TDRD9: variants seen among roughly 807,000 people sequenced by gnomAD.
TDRD9 encodes the protein ATP-dependent RNA helicase TDRD9.
In TDRD9, 124 loss-of-function variants were observed where a neutral mutation model predicts 172.6. That is an observed-to-expected ratio of 0.72 (90% CI 0.62 to 0.83). The LOEUF is 0.83. Ranked by LOEUF, TDRD9 falls within the 40% of genes least tolerant of loss-of-function variation. The pLI is 0.00. For synonymous variants in TDRD9, 619 were observed against 617.1 expected (o/e 1.00, Z -0.05); for missense variants, 1,479 against 1,714.1 (o/e 0.86, Z 2.42).
chr14:104,031,637 G>T (rs2035287316), intron 29 of TDRD9, among the ~76,000 whole-genome samples: 1 of 152,028 alleles, frequency 6.6e-6, no homozygotes. Context: ...TGGCCAGGGT[G>T]TCTCCTTGTT....
chr14:103,942,987 A>G (rs554052519), intron 1 of TDRD9, among the ~76,000 whole-genome samples: 7 of 152,158 alleles, frequency 4.6e-5, no homozygotes, highest in Non-Finnish European at 1.0e-4. Flanking sequence ...GCATAAGAAC[A>G]TACAAAATTC....
At chr14:103,952,388 C>A (rs919714698) in intron 1 of TDRD9, among the ~76,000 whole-genome samples, 23 of 149,280 alleles carry the variant, frequency 1.5e-4, no homozygotes, top group African/African-American at 5.2e-4. Context: ...ACTACAGGCG[C>A]CCGCCACCAC....
At chr14:104,011,384 T>A (rs1428904894) in intron 20 of TDRD9, among the ~76,000 whole-genome samples, 1 of 152,230 alleles carries the variant, frequency 6.6e-6, no homozygotes, top group African/African-American at 2.4e-5. Flanking sequence ...TACTATGAGA[T>A]GTTGTTATTG....
Position 103,980,363 on chromosome 14 carries a change from G to C in TDRD9, c.1011+4810G>C, listed in dbSNP as rs761695561. ...TGATAGGTAAGGTCATGTGGGTCACGTGTCGACTGGACAGGGGGCCCTTCC... is the reference window on the plus strand; with the variant it reads ...TGATAGGTAAGGTCATGTGGGTCACCTGTCGACTGGACAGGGGGCCCTTCC... On this transcript the variant is annotated intron_variant, in intron 7 of 35. Transcript: ENST00000409874. The surrounding 1 kb of genome is among the most constrained non-coding windows in gnomAD (Gnocchi z 4.5). Among the ~76,000 whole-genome samples, 1 of 152,152 alleles carries C rather than the reference G, an allele frequency of 6.6e-6. No individual in the cohort carries two copies. The highest frequency in any genetic ancestry group is 2.4e-5 in the African/African-American group (1 of 41,440).
At chr14:103,951,964 T>C (rs1197115840) in intron 1 of TDRD9, among the ~76,000 whole-genome samples, 1 of 150,638 alleles carries the variant, frequency 6.6e-6, no homozygotes, top group African/African-American at 2.4e-5. Context: ...GAGACGGGGT[T>C]TCACCTTATT....
chr14:103,981,153 T>A (rs2033459733), intron 7 of TDRD9, among the ~76,000 whole-genome samples: 1 of 152,206 alleles, frequency 6.6e-6, no homozygotes, highest in Non-Finnish European at 1.5e-5. Context: ...GTGATCCTCT[T>A]GCTTTGGTCT....
At chr14:104,048,829 C>G (rs956679091) in intron 34 of TDRD9, among the ~76,000 whole-genome samples, 3 of 152,172 alleles carry the variant, frequency 2.0e-5, no homozygotes, top group African/African-American at 7.2e-5. Context: ...TCCTTCATTG[C>G]TGTTTTTACT....
intron 14 of TDRD9, among the ~76,000 whole-genome samples, chr14:104,004,624 C>T (rs547298514): frequency 1.1e-4 from 17 of 152,198 alleles, no homozygotes; most frequent in South Asian, 4.1e-4. Flanking sequence ...GTGATCCGCC[C>T]GCCTTGGCCT....
rs2033268190 is a variant in TDRD9 at position 103,976,890 on chromosome 14, T to C, written c.1011+1337T>C. 2.0e-5 allele frequency among the ~76,000 whole-genome samples: 3 copies of C among 152,256 alleles called. No homozygotes were observed. The South Asian group carries it at 6.2e-4, about 32-fold the overall frequency. On this transcript the variant is annotated intron_variant, in intron 7 of 35. Coordinates refer to ENST00000409874, the MANE Select transcript of TDRD9 (RefSeq NM_153046.3). ...ATTTATTTTAGAGATAGGGTTTTGCTCTGTCACCCAGGCTGGAGTGCAGTG... is the reference window on the plus strand; with the variant it reads ...ATTTATTTTAGAGATAGGGTTTTGCCCTGTCACCCAGGCTGGAGTGCAGTG...
chr14:103,951,603 T>C (rs926295723), intron 1 of TDRD9, among the ~76,000 whole-genome samples: 2 of 152,218 alleles, frequency 1.3e-5, no homozygotes, highest in Non-Finnish European at 2.9e-5. Context: ...TTTTATTTGC[T>C]TAATATTAGG....
At chr14:103,971,596 A>C (rs2033035503) in intron 6 of TDRD9, among the ~76,000 whole-genome samples, 1 of 152,130 alleles carries the variant, frequency 6.6e-6, no homozygotes, top group African/African-American at 2.4e-5. Flanking sequence ...GAGCCACTGC[A>C]CTTGGCCGGG....
intron 1 of TDRD9, among the ~76,000 whole-genome samples, chr14:103,953,720 C>T (rs951884534): frequency 7.9e-5 from 12 of 152,108 alleles, no homozygotes; most frequent in South Asian, 2.1e-4. Context: ...GTGTGAATCT[C>T]GGAGCCTGAG....
At chr14:103,974,107 TGA>T (rs905937050) in intron 6 of TDRD9, among the ~76,000 whole-genome samples, 124 of 152,218 alleles carry the variant, frequency 8.1e-4, no homozygotes, top group Middle Eastern at 3.4e-3. Context: ...GAGGCTGAGG[TGA>T]GAGGATCACT....
At chr14:104,024,746 G>T in intron 25 of TDRD9, 66 bp downstream of exon 25, 16 of 642,832 alleles carry the variant, frequency 2.5e-5, no homozygotes, top group East Asian at 3.1e-5. Flanking sequence ...TATACAGGAA[G>T]TTTACACACA....
intron 2 of TDRD9, among the ~76,000 whole-genome samples, chr14:103,962,640 C>T (rs1001809137): frequency 6.6e-6 from 1 of 152,106 alleles, no homozygotes; most frequent in Admixed American, 6.6e-5. Flanking sequence ...CCCTCCCTCC[C>T]TCTTCTTCTT....
At chr14:103,939,740 A>ATTTTTTTTTT (rs2031073832) in intron 1 of TDRD9, 1 of 10,686 alleles carries the variant, frequency 9.4e-5, no homozygotes, top group Admixed American at 2.0e-3. Context: ...TTTGAAAAAA[A>ATTTTTTTTTT]GTGTTTTTTT....
Position 103,997,974 on chromosome 14 carries a change from G to A in TDRD9, c.1379-650G>A, listed in dbSNP as rs1466963249. On this transcript the variant is annotated intron_variant, in intron 12 of 35. Coordinates refer to ENST00000409874, the MANE Select transcript of TDRD9 (RefSeq NM_153046.3). The surrounding 1 kb of genome is among the most constrained non-coding windows in gnomAD (Gnocchi z 5.1). ...AGGTGCTTTGCTGTAGGGGAGCAGA[G>A]GAAATGGGGCAGTAAGTGAAGGGGT... is the stretch of plus-strand genomic sequence containing the variant. 6.6e-6 allele frequency among the ~76,000 whole-genome samples: 1 copy of A among 152,138 alleles called. No individual in the cohort carries two copies. The highest frequency in any genetic ancestry group is 1.5e-5 in the Non-Finnish European group (1 of 68,024).
intron 1 of TDRD9, among the ~76,000 whole-genome samples, chr14:103,938,377 C>CAT (rs1183093623): frequency 7.3e-4 from 65 of 88,708 alleles, no homozygotes; most frequent in African/African-American, 2.3e-3. Context: ...ACCTGTGCCC[C>CAT]ATATATGTGT....
chr14:103,988,942 A>G (rs573024925), intron 8 of TDRD9, among the ~76,000 whole-genome samples: 20 of 152,254 alleles, frequency 1.3e-4, no homozygotes, highest in Admixed American at 3.3e-4. Flanking sequence ...GTTATTAACT[A>G]ATTACCTTTA....
Sources: allele counts gnomAD v4.1 joint callset (sites outside exome capture counted in the v4.1 genomes callset), GRCh38; gene constraint gnomAD v4.1.1; non-coding constraint Gnocchi (gnomAD v3.1); transcripts MANE v1.5; gene names NCBI Gene and HGNC (gene_info 2026-07-23, HGNC 2026-07-21).